TMEM217B: variants seen among roughly 807,000 people sequenced by gnomAD.
The protein encoded by TMEM217B is transmembrane protein 217B.
At chr6:37,229,338 T>G in the TMEM217B span, among the ~76,000 whole-genome samples, 2 of 121,046 alleles carry the variant, frequency 1.7e-5, no homozygotes, top group Non-Finnish European at 3.4e-5. Flanking sequence ...ACTTTCAGTT[T>G]TTTTTTTTTT....
the TMEM217B span, chr6:37,212,877 G>A: frequency 6.7e-7 from 1 of 1,486,182 alleles, no homozygotes; most frequent in South Asian, 1.2e-5. Flanking sequence ...CATAGCAAAT[G>A]TGTGTCTTCT....
At chr6:37,218,105 C>T in the TMEM217B span, 1 of 1,035,520 alleles carries the variant, frequency 9.7e-7, no homozygotes, top group Non-Finnish European at 1.2e-6. Context: ...ATCTGAGAGA[C>T]CTACCTCTTA....
chr6:37,221,005 TA>T, the TMEM217B span, among the ~76,000 whole-genome samples: 1 of 152,164 alleles, frequency 6.6e-6, no homozygotes, highest in Non-Finnish European at 1.5e-5. Flanking sequence ...GACAGTTTAG[TA>T]GTGTTAAGTA....
chr6:37,233,395 C>T, the TMEM217B span, among the ~76,000 whole-genome samples: 109 of 152,254 alleles, frequency 7.2e-4, no homozygotes, highest in African/African-American at 2.5e-3. Context: ...ATTTATTTCT[C>T]AGTTTTGGAG....
At chr6:37,212,775 G>C in the TMEM217B span, 1 of 705,260 alleles carries the variant, frequency 1.4e-6, no homozygotes, top group African/African-American at 1.7e-5. Flanking sequence ...TGATGGTGGT[G>C]AGGGAGAGGC....
chr6:37,217,088 A>T, the TMEM217B span, among the ~76,000 whole-genome samples: 5 of 152,184 alleles, frequency 3.3e-5, no homozygotes, highest in Non-Finnish European at 5.9e-5. Flanking sequence ...AAGGTCAGGA[A>T]TTCAATACCA....
At chr6:37,228,992 G>A in the TMEM217B span, among the ~76,000 whole-genome samples, 1 of 150,546 alleles carries the variant, frequency 6.6e-6, no homozygotes, top group Non-Finnish European at 1.5e-5. Flanking sequence ...GAGAGACTCC[G>A]TCTCAAAAAA....
At chr6:37,222,510 C>T in the TMEM217B span, among the ~76,000 whole-genome samples, 1 of 152,290 alleles carries the variant, frequency 6.6e-6, no homozygotes, top group East Asian at 1.9e-4. Flanking sequence ...GAGGTCCCGC[C>T]CCGCTAACTC....
chr6:37,215,147 T>A, the TMEM217B span: 9 of 1,602,844 alleles, frequency 5.6e-6, no homozygotes, highest in Non-Finnish European at 7.7e-6. Context: ...TAACTTCCCT[T>A]TCTGCCGCTA....
the TMEM217B span, among the ~76,000 whole-genome samples, chr6:37,253,724 G>C: frequency 6.6e-6 from 1 of 152,086 alleles, no homozygotes; most frequent in Non-Finnish European, 1.5e-5. Context: ...GTCTGCCAGG[G>C]ATCTCTCTGT....
the TMEM217B span, among the ~76,000 whole-genome samples, chr6:37,237,519 A>C: frequency 2.6e-5 from 4 of 152,234 alleles, no homozygotes; most frequent in African/African-American, 9.6e-5. Context: ...TGCAGACATT[A>C]AAAAGGATAT....
the TMEM217B span, chr6:37,219,133 G>T: frequency 8.8e-7 from 1 of 1,137,762 alleles, no homozygotes; most frequent in Non-Finnish European, 1.3e-6. Flanking sequence ...ATCTACTTTG[G>T]AGAAATATAG....
chr6:37,212,330 C>T, the TMEM217B span: 28 of 357,042 alleles, frequency 7.8e-5, no homozygotes, highest in South Asian at 5.4e-4. Flanking sequence ...AACCAAGCAG[C>T]ATCAACAGAA....
chr6:37,248,507 T>G, the TMEM217B span, among the ~76,000 whole-genome samples: 1 of 152,220 alleles, frequency 6.6e-6, no homozygotes, highest in Non-Finnish European at 1.5e-5. Flanking sequence ...CAAAATCTGC[T>G]TCTAGTTACT....
chr6:37,251,101 T>C, the TMEM217B span, among the ~76,000 whole-genome samples: 1 of 137,500 alleles, frequency 7.3e-6, no homozygotes. Flanking sequence ...CCAAATCTGC[T>C]GGCATCTTGA....
At chr6:37,244,107 C>T in the TMEM217B span, among the ~76,000 whole-genome samples, 1 of 152,240 alleles carries the variant, frequency 6.6e-6, no homozygotes, top group Non-Finnish European at 1.5e-5. Flanking sequence ...TCAGGCCCCT[C>T]TCATAATCCT....
At chr6:37,246,490 A>G in the TMEM217B span, among the ~76,000 whole-genome samples, 1 of 151,820 alleles carries the variant, frequency 6.6e-6, no homozygotes, top group Non-Finnish European at 1.5e-5. Flanking sequence ...TACTCCATCT[A>G]CTCTCATGCA....
chr6:37,236,721 A>G, the TMEM217B span, among the ~76,000 whole-genome samples: 1 of 152,074 alleles, frequency 6.6e-6, no homozygotes, highest in Non-Finnish European at 1.5e-5. Context: ...ACTTAGTAGC[A>G]TAAGATAACC....
At chr6:37,227,504 TG>T in the TMEM217B span, among the ~76,000 whole-genome samples, 1 of 152,186 alleles carries the variant, frequency 6.6e-6, no homozygotes, top group African/African-American at 2.4e-5. Flanking sequence ...TGGAGTGTAG[TG>T]GCGCGATCTT....
Sources: gnomAD v4.1 joint callset for allele counts (sites outside exome capture counted in the v4.1 genomes callset) on GRCh38, gnomAD v4.1.1 for gene constraint, MANE v1.5 for transcripts, NCBI Gene and HGNC (gene_info 2026-07-23, HGNC 2026-07-21) for gene names.